The following TMPRSS2 variants were observed in gnomAD, a reference collection of about 807,000 sequenced individuals.
TMPRSS2 encodes the protein transmembrane serine protease 2.
Under a neutral mutation model 67.4 loss-of-function variants are expected in TMPRSS2, and 59 were observed. The ratio of observed to expected loss-of-function variants is 0.88; its 90% confidence interval spans 0.71 to 1.09. TMPRSS2 has a LOEUF of 1.09. TMPRSS2 is among the 50% of genes least tolerant of loss of function. The probability of loss-of-function intolerance (pLI) is 0.00; values close to 1 mark genes in which losing one functional copy is unlikely to be tolerated. For synonymous variants in TMPRSS2, 257 were observed against 257.0 expected, an observed-to-expected ratio of 1.00 and a Z score of 0.00; for missense variants, 668 against 642.7, an observed-to-expected ratio of 1.04 and a Z score of -0.43.
At chr21:41,485,669 TAGAA>T (rs2091292095) in intron 5 of TMPRSS2, among the ~76,000 whole-genome samples, 8 of 130,360 alleles carry the variant, frequency 6.1e-5, no homozygotes, top group Non-Finnish European at 1.0e-4. Flanking sequence ...AAAAAAAAAA[TAGAA>T]AGAAAAGAAA....
chr21:41,494,328 CAGGAAATAAACACA>C lies in TMPRSS2; in HGVS notation c.238+14_238+27del. 1 of 1,610,746 alleles carries C rather than the reference CAGGAAATAAACACA, an allele frequency of 6.2e-7. No homozygotes were observed. The highest frequency in any genetic ancestry group is 8.5e-7 in the Non-Finnish European group (1 of 1,179,004). On this transcript the variant is annotated intron_variant, in intron 3 of 13. Coordinates refer to ENST00000332149, the MANE Select transcript of TMPRSS2 (RefSeq NM_005656.4). ...TAGACCCGGGACCCCGGGTTTATTA[CAGGAAATAAACACA>C]AAGAGAATCCTACTTGAGGTGCACA... is the stretch of plus-strand genomic sequence containing the variant.
intron 7 of TMPRSS2, among the ~76,000 whole-genome samples, chr21:41,476,950 ATCATCTTCTAATT>A (rs2091218524): frequency 6.6e-6 from 1 of 152,208 alleles, no homozygotes; most frequent in Non-Finnish European, 1.5e-5. Flanking sequence ...GGAATTTAAA[ATCATCTTCTAATT>A]TTTAAGGAAG....
intron 11 of TMPRSS2, among the ~76,000 whole-genome samples, chr21:41,469,356 T>C (rs2091111500): frequency 6.6e-6 from 1 of 152,160 alleles, no homozygotes. Flanking sequence ...ACCACAGCAA[T>C]GGACTTGTCA....
At chr21:41,471,218 C>T (rs996212196) in intron 10 of TMPRSS2, among the ~76,000 whole-genome samples, 1 of 152,240 alleles carries the variant, frequency 6.6e-6, no homozygotes, top group Admixed American at 6.5e-5. Flanking sequence ...GGGGCTAGAA[C>T]ATTCCAGACC....
intron 8 of TMPRSS2, 140 bp downstream of exon 8, chr21:41,476,437 G>A (rs1040629749): frequency 1.4e-5 from 11 of 775,080 alleles, no homozygotes; most frequent in African/African-American, 5.3e-5. Context: ...TGGAAAGAGC[G>A]AGACGCCGCT....
chr21:41,479,600 G>T (rs1456302994), intron 6 of TMPRSS2, among the ~76,000 whole-genome samples: 1 of 150,358 alleles, frequency 6.7e-6, no homozygotes, highest in Non-Finnish European at 1.5e-5. Context: ...TGTTAACATG[G>T]CCCCAGTTAT....
chr21:41,494,841 C>A (rs1037304885), intron 2 of TMPRSS2: 9 of 449,774 alleles, frequency 2.0e-5, no homozygotes, highest in African/African-American at 1.0e-4. Context: ...GAGGCCGAGG[C>A]GGGCGGATCA....
rs2091248429 is a variant in TMPRSS2 at position 41,480,502 on chromosome 21, C to A, written c.546G>T (p.Arg182=). 2 of 1,613,564 alleles carry A rather than the reference C, an allele frequency of 1.2e-6. No homozygotes were observed. The highest frequency in any genetic ancestry group is 1.7e-6 in the Non-Finnish European group (2 of 1,180,054). Residue 182 remains arginine (R), a synonymous_variant, in exon 6 of 14, where the codon CGG becomes CGT. Transcript: ENST00000332149. ...TATAGCCCATGTCCCTGCAGGCCGC[C>A]CGCCCGTAGTTCTCGTTCCAGTCGT... ...CQDDWNENYG[R]AACRDMGYKN...
chr21:41,471,755 C>T (rs1294737398), intron 10 of TMPRSS2, 51 bp downstream of exon 10: 1 of 1,519,764 alleles, frequency 6.6e-7, no homozygotes, highest in African/African-American at 1.4e-5. Context: ...TTCCAATCAA[C>T]ATCTCTTTAA....
intron 7 of TMPRSS2, among the ~76,000 whole-genome samples, chr21:41,477,927 C>T (rs2091227771): frequency 6.6e-6 from 1 of 152,126 alleles, no homozygotes; most frequent in Non-Finnish European, 1.5e-5. Context: ...AGACAATGGC[C>T]TTCTCTTCTT....
chr21:41,469,081 C>A (rs927236430), intron 11 of TMPRSS2, among the ~76,000 whole-genome samples: 3 of 152,134 alleles, frequency 2.0e-5, no homozygotes, highest in Admixed American at 2.0e-4. Flanking sequence ...GCACCGTGGG[C>A]TTAGTGTGCA....
rs912134074 is a variant in TMPRSS2 at position 41,507,171 on chromosome 21, C to T, written c.-57+910G>A. On this transcript the variant is annotated intron_variant, in intron 1 of 13. Transcript: ENST00000332149. ...GCGCACAAACTTTCTGGACATGGGG[C>T]AGTTTTTCAGCTGGACCCGTGCTCG... Among the ~76,000 whole-genome samples the T allele has an allele frequency of 1.6e-4, 25 of 152,342 alleles. 5 individuals carry two copies. Among genetic ancestry groups the T allele is most frequent in the Admixed American group, 6.5e-4 (10 of 15,306 alleles).
chr21:41,480,519 T>A lies in TMPRSS2; in HGVS notation c.529A>T (p.Asn177Tyr), dbSNP rs373847134. 38 of 1,613,718 alleles carry A rather than the reference T, an allele frequency of 2.4e-5. No individual in the cohort carries two copies. Among genetic ancestry groups the A allele is most frequent in the Non-Finnish European group, 3.2e-5 (38 of 1,180,030 alleles). Residue 177 changes from asparagine to tyrosine, a missense_variant, in exon 6 of 14, where the codon AAC becomes TAC. Asn to Tyr is a moderately radical substitution (Grantham distance 143). Coordinates refer to ENST00000332149, the MANE Select transcript of TMPRSS2 (RefSeq NM_005656.4). The stretch of plus-strand genomic sequence containing the variant: ...CAGGCCGCCCGCCCGTAGTTCTCGT[T>A]CCAGTCGTCTTGGCACACAGGGTGC... ...SWHPVCQDDW[N>Y]ENYGRAACRD...
intron 8 of TMPRSS2, among the ~76,000 whole-genome samples, chr21:41,476,189 G>A (rs138391216): frequency 4.6e-5 from 7 of 152,290 alleles, no homozygotes; most frequent in South Asian, 2.1e-4. Context: ...TGGCCACACG[G>A]TGGTGCTGGA....
rs927149407 is a variant in TMPRSS2 at position 41,478,615 on chromosome 21, A to G, written c.683+557T>C. 1.3e-5 allele frequency among the ~76,000 whole-genome samples: 2 copies of G among 152,168 alleles called. No homozygotes were observed. The highest frequency in any genetic ancestry group is 1.3e-4 in the Admixed American group (2 of 15,282). The stretch of plus-strand genomic sequence containing the variant: ...GCTTGTACCCACTTCTACCCCCTGG[A>G]AACACCACAACTCATTCCCAGGCCG... On this transcript the variant is annotated intron_variant, in intron 7 of 13. Transcript: ENST00000332149. The surrounding 1 kb of genome is among the most constrained non-coding windows in gnomAD (Gnocchi z 4.0).
chr21:41,469,760 G>C (rs2070790), intron 11 of TMPRSS2, among the ~76,000 whole-genome samples: 46,171 of 151,874 alleles, frequency 0.3, 7,169 homozygotes, highest in Middle Eastern at 0.36. Context: ...CCGACATCCA[G>C]AAGAGAGGTA....
At chr21:41,467,049 A>G (rs1393320952) in intron 13 of TMPRSS2, among the ~76,000 whole-genome samples, 1 of 152,136 alleles carries the variant, frequency 6.6e-6, no homozygotes, top group Non-Finnish European at 1.5e-5. Flanking sequence ...GGCCCCAGAA[A>G]AGGATGGGCA....
chr21:41,467,584 G>A, intron 13 of TMPRSS2, 150 bp downstream of exon 13: 5 of 811,814 alleles, frequency 6.2e-6, no homozygotes, highest in South Asian at 5.2e-5. Flanking sequence ...GACACTGGGG[G>A]GATGGGGCTG....
Position 41,493,039 on chromosome 21 carries a change from G to A in TMPRSS2, c.238+1317C>T, listed in dbSNP as rs1239513978. 2.0e-5 allele frequency among the ~76,000 whole-genome samples: 3 copies of A among 152,294 alleles called. No homozygotes were observed. The East Asian group carries it at 5.8e-4, about 29-fold the overall frequency. ...CGGGGGGCTGTCTTGTGCCTTGCGG[G>A]AGGTTGAGCAGCATCCCCGGTGCCT... On this transcript the variant is annotated intron_variant, in intron 3 of 13. Transcript: ENST00000332149.
Sources: allele counts gnomAD v4.1 joint callset (sites outside exome capture counted in the v4.1 genomes callset), GRCh38; gene constraint gnomAD v4.1.1; non-coding constraint Gnocchi (gnomAD v3.1); transcripts MANE v1.5; gene names NCBI Gene and HGNC (gene_info 2026-07-23, HGNC 2026-07-21).